DNAH8: variants seen among roughly 807,000 people sequenced by gnomAD.
The protein encoded by DNAH8 is axonemal beta dynein heavy chain 8.
In DNAH8, 382 loss-of-function variants were observed where a neutral mutation model predicts 562.1. That is an observed-to-expected ratio of 0.68 (90% confidence interval 0.63 to 0.74). DNAH8 has a LOEUF of 0.74. DNAH8 is among the 30% of genes least tolerant of loss of function. DNAH8 has a pLI of 0.00. For missense variants in DNAH8, 5,203 were observed against 5,620.4 expected (o/e 0.93, Z 2.37); for synonymous variants, 1,881 against 1,919.4 (o/e 0.98, Z 0.52).
chr6:38,736,295 G>A (rs1764082875), intron 5 of DNAH8, among the ~76,000 whole-genome samples: 1 of 152,162 alleles, frequency 6.6e-6, no homozygotes, highest in Non-Finnish European at 1.5e-5. Flanking sequence ...CTAAGTAAAT[G>A]TAATCACAGA....
At position 38,862,460 on chromosome 6, in the gene DNAH8, C is replaced by CA. The variant is rs779927947; in HGVS notation, c.6310+4dup. On this transcript the variant is annotated splice_region_variant and intron_variant, in intron 44 of 92. Coordinates refer to ENST00000327475, the MANE Select transcript of DNAH8 (RefSeq NM_001206927.2). Reference sequence around the variant, plus strand: ...GAGGCCTAGGAAGGATTTTCAAAGGCAAGTGTCAAATAATGTAGATTATTT... The same window carrying CA: ...GAGGCCTAGGAAGGATTTTCAAAGGCAAAGTGTCAAATAATGTAGATTATTT... The CA allele has an allele frequency of 7.5e-6, 12 of 1,602,820 alleles. No individual in the cohort carries two copies. The highest frequency in any genetic ancestry group is 1.3e-5 in the African/African-American group (1 of 74,384).
chr6:39,001,119 C>A (rs1019046832), intron 88 of DNAH8, among the ~76,000 whole-genome samples: 1 of 151,976 alleles, frequency 6.6e-6, no homozygotes, highest in East Asian at 1.9e-4. Flanking sequence ...GCGGAGTGGC[C>A]GATGCAGAGT....
At chr6:38,922,263 T>A (rs1781769671) in intron 71 of DNAH8, among the ~76,000 whole-genome samples, 1 of 151,446 alleles carries the variant, frequency 6.6e-6, no homozygotes, top group Non-Finnish European at 1.5e-5. Context: ...ATGTTAACAA[T>A]CTAGTGTGCA....
At chr6:38,876,796 A>G (rs1238847546) in intron 53 of DNAH8, among the ~76,000 whole-genome samples, 5 of 152,216 alleles carry the variant, frequency 3.3e-5, no homozygotes, top group African/African-American at 4.8e-5. Context: ...TGAATCGTGT[A>G]AAATAGAGGG....
chr6:38,863,995 C>T lies in DNAH8; in HGVS notation c.6433C>T (p.Gln2145Ter). 5 of 1,611,118 alleles carry T rather than the reference C, an allele frequency of 3.1e-6. No homozygotes were observed. The highest frequency in any genetic ancestry group is 4.2e-6 in the Non-Finnish European group (5 of 1,179,366). The change falls in exon 45 of 93, where the codon CAG (glutamine) becomes TAG (stop). Residue 2145 changes from glutamine to a stop codon, truncating the protein, a stop_gained. Coordinates refer to ENST00000327475, the MANE Select transcript of DNAH8 (RefSeq NM_001206927.2). LOFTEE classifies it high-confidence loss of function. ...GACAGCAAGAAAAGAAAGAAAGAAA[C>T]AGTTCATTTTTTCTGATGGTGATTG... Reference protein sequence around the residue: ...VLTARKERKKQFIFSDGDCVD... With the variant: ...VLTARKERKK
rs756644206 is a variant in DNAH8 at position 38,783,148 on chromosome 6, A to G, written c.2395+9A>G. On this transcript the variant is annotated intron_variant, in intron 17 of 92. Transcript: ENST00000327475. ...TTCACAGTTGCATTACGGTGTGTAT[A>G]ACACTGCCATGAGCCTACAAAGTAG... 22 of 1,612,380 alleles carry G rather than the reference A, an allele frequency of 1.4e-5. 1 individual carries two copies. In the South Asian group the frequency reaches 2.2e-4, roughly 16 times the overall value.
At chr6:38,860,184 T>C in intron 42 of DNAH8, among the ~76,000 whole-genome samples, 1 of 152,202 alleles carries the variant, frequency 6.6e-6, no homozygotes, top group Non-Finnish European at 1.5e-5. Flanking sequence ...CATATATTCA[T>C]GAGCCCTGAA....
At chr6:38,754,060 C>G (rs117738394) in intron 9 of DNAH8, among the ~76,000 whole-genome samples, 2 of 152,242 alleles carry the variant, frequency 1.3e-5, no homozygotes, top group South Asian at 4.1e-4. Context: ...ATTCATGCTT[C>G]CATTTCTGGT....
At chr6:38,850,135 C>A in intron 37 of DNAH8, 116 bp from the exon 38 acceptor site, 2 of 906,688 alleles carry the variant, frequency 2.2e-6, no homozygotes, top group Non-Finnish European at 3.3e-6. Flanking sequence ...TTAAATTATG[C>A]AGCCTGAGAC....
intron 79 of DNAH8, among the ~76,000 whole-genome samples, chr6:38,941,380 ACTGTGGAAACTTCGC>A (rs1247109769): frequency 6.6e-6 from 1 of 152,242 alleles, no homozygotes; most frequent in Non-Finnish European, 1.5e-5. Flanking sequence ...TTAGATTACC[ACTGTGGAAACTTCGC>A]AAACTATTTT....
At chr6:39,027,171 G>T (rs964540342) in intron 92 of DNAH8, among the ~76,000 whole-genome samples, 1 of 152,156 alleles carries the variant, frequency 6.6e-6, no homozygotes, top group African/African-American at 2.4e-5. Context: ...GGAGGTTGAG[G>T]CTGCAATAAG....
chr6:38,998,035 G>A (rs1038332245), intron 88 of DNAH8, among the ~76,000 whole-genome samples: 15 of 152,206 alleles, frequency 9.9e-5, no homozygotes, highest in Non-Finnish European at 1.9e-4. Context: ...TGGGATTATA[G>A]GCATGAGCCA....
In DNAH8 at chr6:38,973,786, T is replaced by C. The variant is rs768250990; in HGVS notation, c.12651T>C (p.His4217=). Residue 4217 remains histidine, a synonymous_variant, in exon 84 of 93, where the codon CAT becomes CAC. Coordinates refer to ENST00000327475, the MANE Select transcript of DNAH8 (RefSeq NM_001206927.2). ...SFRVWITTEP[H]DRFPITLLQT... ...GAGTATGGATAACTACGGAGCCCCA[T>C]GATCGATTTCCAATTACATTGCTTC... 1.9e-5 allele frequency: 31 copies of C among 1,606,312 alleles called. No individual in the cohort carries two copies. The Middle Eastern group carries it at 5.0e-4, about 26-fold the overall frequency.
chr6:38,908,031 C>T lies in DNAH8; in HGVS notation c.9424C>T (p.Pro3142Ser). 1 of 1,612,672 alleles carries T rather than the reference C, an allele frequency of 6.2e-7. No individual in the cohort carries two copies. Among genetic ancestry groups the T allele is most frequent in the South Asian group, 1.1e-5 (1 of 90,878 alleles). Reference protein sequence around the residue: ...GLISVMKRELPRHPPTFDNLY... With the variant: ...GLISVMKRELSRHPPTFDNLY... Reference sequence around the variant, plus strand: ...GATTTCAGTGATGAAGAGGGAGCTACCTCGCCATCCTCCTACCTTTGATAA... The same window carrying T: ...GATTTCAGTGATGAAGAGGGAGCTATCTCGCCATCCTCCTACCTTTGATAA... Residue 3142 changes from proline (P) to serine (S), a missense_variant, in exon 64 of 93, where the codon CCT becomes TCT. This residue lies in a region of DNAH8 where 977 missense variants were observed against 1,061.8 expected (regional missense o/e 0.92). Transcript: ENST00000327475.
intron 87 of DNAH8, among the ~76,000 whole-genome samples, chr6:38,984,648 G>A (rs1034063969): frequency 6.6e-6 from 1 of 152,074 alleles, no homozygotes. Flanking sequence ...AAAAGTAGCC[G>A]GGCGTGGTGG....
chr6:38,984,383 T>G (rs1764231767), intron 87 of DNAH8, 76 bp downstream of exon 87: 1 of 890,096 alleles, frequency 1.1e-6, no homozygotes, highest in Non-Finnish European at 1.9e-6. Context: ...GTAATAGGTC[T>G]GCCAAACTCA....
intron 82 of DNAH8, among the ~76,000 whole-genome samples, chr6:38,968,204 AT>A (rs1435867217): frequency 6.6e-6 from 1 of 152,210 alleles, no homozygotes; most frequent in Admixed American, 6.5e-5. Flanking sequence ...AGTAAAAAAA[AT>A]AAGAGTAAAT....
intron 91 of DNAH8, among the ~76,000 whole-genome samples, chr6:39,025,313 C>T (rs888331379): frequency 6.6e-6 from 1 of 152,170 alleles, no homozygotes; most frequent in African/African-American, 2.4e-5. Flanking sequence ...ATAATGACAA[C>T]GTTGTGTCAA....
At chr6:38,745,989 C>T (rs771862444) in intron 8 of DNAH8, among the ~76,000 whole-genome samples, 6 of 152,162 alleles carry the variant, frequency 3.9e-5, no homozygotes, top group African/African-American at 9.7e-5. Flanking sequence ...GTACTGTACA[C>T]GTATCGTATT....
Sources: gnomAD v4.1 joint callset for allele counts (sites outside exome capture counted in the v4.1 genomes callset) on GRCh38, gnomAD v4.1.1 for gene constraint, gnomAD v4.1.1 regional missense constraint, MANE v1.5 for transcripts, NCBI Gene and HGNC (gene_info 2026-07-23, HGNC 2026-07-21) for gene names.